CIT: variants seen among roughly 807,000 people sequenced by gnomAD.
The protein encoded by CIT is citron Rho-interacting kinase.
Under a neutral mutation model 272.7 loss-of-function variants are expected in CIT, and 79 were observed. The observed-to-expected ratio is 0.29, with a 90% CI of 0.24 to 0.35. CIT has a LOEUF of 0.35. Among genes scored for constraint, CIT ranks in the 10% least tolerant of loss-of-function variants. CIT has a pLI of 1.00. For missense variants in CIT, 1,909 were observed against 2,618.3 expected (o/e 0.73, Z 5.91); for synonymous variants, 948 against 995.6 (o/e 0.95, Z 0.90).
Position 119,825,217 on chromosome 12 carries a change from G to A in CIT, c.905C>T (p.Pro302Leu). 1 of 1,614,062 alleles carries A rather than the reference G, an allele frequency of 6.2e-7. No homozygotes were observed. Among genetic ancestry groups the A allele is most frequent in the Middle Eastern group, 1.6e-4 (1 of 6,062 alleles). ...IAYEMIYGRSPFAEGTSARTF... is the reference protein window; with the variant it reads ...IAYEMIYGRSLFAEGTSARTF... ...TCTGGCAGAGGTTCCCTCTGCGAAGGGGGATCTCCCATAAATCATCTCATA... is the reference window on the plus strand; with the variant it reads ...TCTGGCAGAGGTTCCCTCTGCGAAGAGGGATCTCCCATAAATCATCTCATA... The change falls in exon 8 of 48, where the codon CCC (proline) becomes CTC (leucine). Residue 302 changes from proline (P) to leucine (L), a missense_variant. Coordinates refer to ENST00000392521, the MANE Select transcript of CIT (RefSeq NM_001206999.2).
chr12:119,857,295 T>C (rs1461077571), intron 4 of CIT, among the ~76,000 whole-genome samples: 2 of 152,164 alleles, frequency 1.3e-5, no homozygotes, highest in Non-Finnish European at 2.9e-5. Flanking sequence ...ATTACAACGA[T>C]AGAAACATGA....
chr12:119,814,643 A>T (rs1473542955), intron 9 of CIT, among the ~76,000 whole-genome samples: 1 of 152,224 alleles, frequency 6.6e-6, no homozygotes, highest in Non-Finnish European at 1.5e-5. Context: ...TCCTCATGGA[A>T]CTAGCTTAGA....
In CIT at chr12:119,784,770, A is replaced by T. The variant is rs1964615147; in HGVS notation, c.1401+190T>A. ...CCTCTGGTTTAGATTTAAAGGATTT[A>T]CAGCAACAGCAAGGCCCGAATTCAT... is the stretch of plus-strand genomic sequence containing the variant. On this transcript the variant is annotated intron_variant, in intron 11 of 47. Coordinates refer to ENST00000392521, the MANE Select transcript of CIT (RefSeq NM_001206999.2). The surrounding 1 kb of genome is among the most constrained non-coding windows in gnomAD (Gnocchi z 4.7). 1 of 1,421,846 alleles carries T rather than the reference A, an allele frequency of 7.0e-7. No individual in the cohort carries two copies. Among genetic ancestry groups the T allele is most frequent in the South Asian group, 1.6e-5 (1 of 62,870 alleles). 88.1% of individuals were successfully genotyped at this position (1,421,846 alleles called of 1,614,324 possible). A position where few individuals can be genotyped will look rare whatever the true frequency, so the allele number is the denominator to read the frequency against.
At chr12:119,691,117 A>G (rs956141225) in intron 46 of CIT, among the ~76,000 whole-genome samples, 6 of 146,658 alleles carry the variant, frequency 4.1e-5, no homozygotes, top group Non-Finnish European at 8.9e-5. Context: ...GGTTGCAGTG[A>G]GCCAAGATCG....
In CIT at chr12:119,869,082, G is replaced by A. The variant is rs35837015; in HGVS notation, c.216C>T (p.His72=). 1,799 of 1,611,346 alleles carry A rather than the reference G, an allele frequency of 1.1e-3. 18 individuals carry two copies. The African/African-American group carries it at 0.021, about 18-fold the overall frequency. ...CSQPALMKIK[H]VSNFVRKYSD... is the part of the protein sequence containing the mutation. ...TACACTTCCGGACAAAGTTGCTCACGTGCTTAATCTTCATCAGAGCAGGCT... is the reference window on the plus strand; with the variant it reads ...TACACTTCCGGACAAAGTTGCTCACATGCTTAATCTTCATCAGAGCAGGCT... The change falls in exon 3 of 48, where the codon CAC becomes CAT. Residue 72 remains histidine, a synonymous_variant. Transcript: ENST00000392521.
rs144427423 is a variant in CIT, at chr12:119,754,162, T to A, written c.2707-1915A>T. On this transcript the variant is annotated intron_variant, in intron 22 of 47. Transcript: ENST00000392521. ...CAGAACAACTCACTAAGGGAGGTACTACTATTACCTCCATTTTACAGATAA... is the reference window on the plus strand; with the variant it reads ...CAGAACAACTCACTAAGGGAGGTACAACTATTACCTCCATTTTACAGATAA... 3.3e-5 allele frequency among the ~76,000 whole-genome samples: 5 copies of A among 152,324 alleles called. No individual in the cohort carries two copies. The East Asian group carries it at 9.6e-4, about 29-fold the overall frequency.
intron 23 of CIT, among the ~76,000 whole-genome samples, chr12:119,743,351 T>C (rs1163588913): frequency 6.6e-6 from 1 of 152,004 alleles, no homozygotes; most frequent in Non-Finnish European, 1.5e-5. Flanking sequence ...GAGCCAGCCA[T>C]GCAATGGACA....
intron 10 of CIT, among the ~76,000 whole-genome samples, chr12:119,801,770 C>T (rs1011009979): frequency 1.3e-5 from 2 of 152,218 alleles, no homozygotes; most frequent in African/African-American, 2.4e-5. Context: ...ATGGCACATT[C>T]AACAGCTAGT....
At position 119,811,356 on chromosome 12, in the gene CIT, A is replaced by G. The variant is rs564500239; in HGVS notation, c.1112-7967T>C. Among the ~76,000 whole-genome samples, 6 of 152,326 alleles carry G rather than the reference A, an allele frequency of 3.9e-5. No individual in the cohort carries two copies. The South Asian group carries it at 1.2e-3, about 32-fold the overall frequency. On this transcript the variant is annotated intron_variant, in intron 9 of 47. Coordinates refer to ENST00000392521, the MANE Select transcript of CIT (RefSeq NM_001206999.2). ...GAAGACAAAGGAGTTCCAGTTTGCA[A>G]TAGACTTAAATAAATCAAAAATTAT...
At position 119,717,834 on chromosome 12, in the gene CIT, C is replaced by CTTTTTTTTTTTTTTTT. The variant is rs546520444; in HGVS notation, c.4168+410_4168+411insAAAAAAAAAAAAAAAA. ...GGATGGGGAGCCAGGAGACTGACTT[C>CTTTTTTTTTTTTTTTT]TTTCTTTTTTTTTTTTTTTTTTTTG... is the stretch of plus-strand genomic sequence containing the variant. On this transcript the variant is annotated intron_variant, in intron 32 of 47. Transcript: ENST00000392521. 1.5e-3 allele frequency among the ~76,000 whole-genome samples: 103 copies of CTTTTTTTTTTTTTTTT among 70,234 alleles called. 3 individuals carry two copies. Among genetic ancestry groups the CTTTTTTTTTTTTTTTT allele is most frequent in the African/African-American group, 4.3e-3 (87 of 20,100 alleles). 46.1% of individuals were successfully genotyped at this position (70,234 alleles called of 152,430 possible).
In CIT at chr12:119,770,546, C is replaced by T; in HGVS notation, c.2208+239G>A. Among the ~76,000 whole-genome samples the T allele has an allele frequency of 6.7e-6, 1 of 148,446 alleles. No homozygotes were observed. On this transcript the variant is annotated intron_variant, in intron 18 of 47. Transcript: ENST00000392521. This position sits in a 1 kb window ranked among gnomAD's most constrained non-coding sequence, Gnocchi z 4.4. ...CGTTCCACTAAAAAAAAAAAAAAAGCCAGGCTGTAGCAAACAGAGCAAAAA... is the reference window on the plus strand; with the variant it reads ...CGTTCCACTAAAAAAAAAAAAAAAGTCAGGCTGTAGCAAACAGAGCAAAAA...
At chr12:119,822,633 C>A (rs981000532) in intron 9 of CIT, among the ~76,000 whole-genome samples, 187 bp downstream of exon 9, 3 of 152,068 alleles carry the variant, frequency 2.0e-5, no homozygotes, top group Non-Finnish European at 2.9e-5. Context: ...CAGTTCTACA[C>A]AAACAATTTT....
rs1964532079 is a variant in CIT, at chr12:119,783,899, A to G, written c.1545+9T>C. ...CCTCCAAGGGAAGGGGGCTTCAGGG[A>G]AGGCTCACACTGCATTCTGTGATGT... is the stretch of plus-strand genomic sequence containing the variant. On this transcript the variant is annotated intron_variant, in intron 12 of 47. Transcript: ENST00000392521. 3.2e-6 allele frequency: 5 copies of G among 1,561,014 alleles called. No homozygotes were observed. Among genetic ancestry groups the G allele is most frequent in the Non-Finnish European group, 4.3e-6 (5 of 1,156,566 alleles).
At chr12:119,848,616 A>G (rs1969984772) in intron 5 of CIT, among the ~76,000 whole-genome samples, 1 of 152,218 alleles carries the variant, frequency 6.6e-6, no homozygotes, top group South Asian at 2.1e-4. Flanking sequence ...CGTTACTGAC[A>G]AGGAAGAAAG....
chr12:119,771,599 C>A (rs112420591), intron 17 of CIT, among the ~76,000 whole-genome samples: 1,950 of 152,218 alleles, frequency 0.013, 38 homozygotes, highest in African/African-American at 0.044. Context: ...CATTATGGAA[C>A]CCCTGAAAGG....
chr12:119,707,792 G>A (rs979738014), intron 40 of CIT, among the ~76,000 whole-genome samples: 5 of 152,228 alleles, frequency 3.3e-5, no homozygotes, highest in South Asian at 2.1e-4. Flanking sequence ...GAGCCACCGC[G>A]CCCGGCCAGG....
intron 24 of CIT, among the ~76,000 whole-genome samples, chr12:119,737,032 T>C (rs992479326): frequency 2.6e-5 from 4 of 152,218 alleles, no homozygotes; most frequent in African/African-American, 9.6e-5. Flanking sequence ...TGCTTTTACC[T>C]TTTTAATTAT....
chr12:119,701,216 G>A (rs181331075), intron 43 of CIT, among the ~76,000 whole-genome samples: 2 of 94,268 alleles, frequency 2.1e-5, no homozygotes, highest in African/African-American at 9.8e-5. Context: ...ATGGGGAGGG[G>A]GAGGGGAGGG....
chr12:119,775,933 G>A, intron 15 of CIT, 94 bp from the exon 16 acceptor site: 1 of 1,006,856 alleles, frequency 9.9e-7, no homozygotes, highest in Non-Finnish European at 1.5e-6. Context: ...AGGTTTCTAT[G>A]GGGTCTTTTT....
Sources: gnomAD v4.1 joint callset for allele counts (sites outside exome capture counted in the v4.1 genomes callset) on GRCh38, gnomAD v4.1.1 for gene constraint, Gnocchi (gnomAD v3.1) non-coding constraint, MANE v1.5 for transcripts, NCBI Gene and HGNC (gene_info 2026-07-23, HGNC 2026-07-21) for gene names.